Variants in RAPGEF4 observed in about 807,000 individuals in gnomAD.
RAPGEF4 encodes the protein RAP guanine-nucleotide-exchange factor (GEF) 4.
A neutral mutation model predicts 147.9 loss-of-function variants in RAPGEF4; 66 were observed. That is an observed-to-expected ratio of 0.45 (90% CI 0.37 to 0.55). The LOEUF (loss-of-function observed/expected upper bound fraction) is 0.55. Ranked by LOEUF, RAPGEF4 falls within the 20% of genes least tolerant of loss-of-function variation. The pLI, the probability that RAPGEF4 is intolerant of heterozygous loss-of-function variation, is 0.00. For missense variants in RAPGEF4, 1,071 were observed against 1,257.3 expected (o/e 0.85, Z 2.24); for synonymous variants, 419 against 442.7 (o/e 0.95, Z 0.67).
intron 6 of RAPGEF4, among the ~76,000 whole-genome samples, chr2:172,924,638 C>T (rs750251225): frequency 1.3e-5 from 2 of 152,064 alleles, no homozygotes; most frequent in Non-Finnish European, 2.9e-5. Context: ...GAAAGACATT[C>T]GTGAGCAAAG....
intron 26 of RAPGEF4, among the ~76,000 whole-genome samples, chr2:173,030,966 A>G (rs189483423): frequency 5.3e-5 from 8 of 152,326 alleles, no homozygotes; most frequent in African/African-American, 1.4e-4. Flanking sequence ...AAGAAATACT[A>G]ATCTCTAATA....
intron 29 of RAPGEF4, among the ~76,000 whole-genome samples, chr2:173,041,970 C>T (rs1370522197): frequency 6.6e-6 from 1 of 152,224 alleles, no homozygotes; most frequent in East Asian, 1.9e-4. Context: ...TCCCCTCCTC[C>T]CTGTGGTGCT....
chr2:172,878,919 G>T (rs1390489275), intron 4 of RAPGEF4, among the ~76,000 whole-genome samples: 4 of 152,172 alleles, frequency 2.6e-5, no homozygotes, highest in African/African-American at 2.4e-5. Context: ...GCAGTGATGG[G>T]AAAGCTGTGG....
At chr2:172,966,589 A>G (rs1689865384) in intron 9 of RAPGEF4, among the ~76,000 whole-genome samples, 1 of 152,192 alleles carries the variant, frequency 6.6e-6, no homozygotes, top group Non-Finnish European at 1.5e-5. Flanking sequence ...AGACATGTAC[A>G]TGAGGGATTC....
At chr2:172,975,940 A>G (rs560687888) in intron 10 of RAPGEF4, among the ~76,000 whole-genome samples, 3 of 152,280 alleles carry the variant, frequency 2.0e-5, no homozygotes, top group South Asian at 4.2e-4. Context: ...TGCTGGGCAT[A>G]TACAGTTTCT....
chr2:172,955,644 C>A (rs1688652086), intron 6 of RAPGEF4, among the ~76,000 whole-genome samples: 1 of 152,280 alleles, frequency 6.6e-6, no homozygotes, highest in East Asian at 1.9e-4. Flanking sequence ...GGGTCCATGC[C>A]TTTCGGGGCT....
intron 15 of RAPGEF4, among the ~76,000 whole-genome samples, chr2:172,993,100 AT>A (rs1032593589): frequency 6.6e-6 from 1 of 151,960 alleles, no homozygotes; most frequent in South Asian, 2.1e-4. Flanking sequence ...TTTCTGGTTC[AT>A]TTTTTTCCCT....
chr2:172,899,056 A>G (rs1240021048), intron 4 of RAPGEF4, among the ~76,000 whole-genome samples: 1 of 152,210 alleles, frequency 6.6e-6, no homozygotes, highest in Non-Finnish European at 1.5e-5. Context: ...TTAAAACACC[A>G]AGCATTTTAT....
intron 6 of RAPGEF4, among the ~76,000 whole-genome samples, chr2:172,957,006 G>T (rs530778409): frequency 6.6e-6 from 1 of 152,336 alleles, no homozygotes; most frequent in South Asian, 2.1e-4. Context: ...GGTGGATGGG[G>T]TCATTGTACC....
At chr2:172,878,537 T>G (rs956513215) in intron 4 of RAPGEF4, among the ~76,000 whole-genome samples, 1 of 152,140 alleles carries the variant, frequency 6.6e-6, no homozygotes, top group African/African-American at 2.4e-5. Context: ...TGTTAAAAAT[T>G]GTCGGGAAGA....
At chr2:172,828,673 T>C (rs1279362152) in intron 4 of RAPGEF4, among the ~76,000 whole-genome samples, 1 of 152,188 alleles carries the variant, frequency 6.6e-6, no homozygotes, top group Non-Finnish European at 1.5e-5. Context: ...CTACTGCTCC[T>C]GCCTGGGTCT....
At chr2:172,743,968 A>G (rs1015710131) in intron 1 of RAPGEF4, among the ~76,000 whole-genome samples, 1 of 152,188 alleles carries the variant, frequency 6.6e-6, no homozygotes, top group African/African-American at 2.4e-5. Context: ...TTGGTGTTCT[A>G]TCATTTGCCA....
At chr2:172,985,181 A>T (rs920948413) in intron 11 of RAPGEF4, among the ~76,000 whole-genome samples, 5 of 152,214 alleles carry the variant, frequency 3.3e-5, no homozygotes, top group African/African-American at 1.2e-4. Context: ...ACCATGTTTG[A>T]AACAGTCTCT....
chr2:172,830,281 G>A (rs990148110), intron 4 of RAPGEF4, among the ~76,000 whole-genome samples: 1 of 152,302 alleles, frequency 6.6e-6, no homozygotes, highest in East Asian at 1.9e-4. Context: ...AGGGAAAAAT[G>A]CTAAGTTCCA....
intron 10 of RAPGEF4, among the ~76,000 whole-genome samples, chr2:172,970,841 CT>C (rs1460873310): frequency 6.6e-6 from 1 of 152,110 alleles, no homozygotes; most frequent in Non-Finnish European, 1.5e-5. Context: ...GTGAAATTAG[CT>C]TTTTATGTGG....
At chr2:172,860,001 T>TG (rs1693847860) in intron 4 of RAPGEF4, 1 of 983,446 alleles carries the variant, frequency 1.0e-6, no homozygotes. Flanking sequence ...CAGGGAGGGG[T>TG]GGGGGACAAC....
intron 17 of RAPGEF4, among the ~76,000 whole-genome samples, chr2:173,012,796 A>G (rs1979186): frequency 0.55 from 83,714 of 152,048 alleles, 24,881 homozygotes; most frequent in East Asian, 0.89. Context: ...ATATTTTTCA[A>G]TCAGTCAAGA....
At chr2:173,029,421 A>G (rs1446000076) in intron 25 of RAPGEF4, among the ~76,000 whole-genome samples, 1 of 152,234 alleles carries the variant, frequency 6.6e-6, no homozygotes, top group Non-Finnish European at 1.5e-5. Context: ...TTTCTAAAAA[A>G]TGGTTAAACC....
intron 4 of RAPGEF4, among the ~76,000 whole-genome samples, chr2:172,817,335 T>A (rs13425786): frequency 0.19 from 29,540 of 152,236 alleles, 3,525 homozygotes; most frequent in Middle Eastern, 0.31. Flanking sequence ...GATCTATACA[T>A]GGCATATATA....
Sources: allele counts gnomAD v4.1 joint callset (sites outside exome capture counted in the v4.1 genomes callset), GRCh38; gene constraint gnomAD v4.1.1; transcripts MANE v1.5; gene names NCBI Gene and HGNC (gene_info 2026-07-23, HGNC 2026-07-21).